CNKSR2: variants seen among roughly 807,000 people sequenced by gnomAD.
CNKSR2 encodes CNK homolog protein 2.
A neutral mutation model predicts 84.4 loss-of-function variants in CNKSR2; 14 were observed. That is an observed-to-expected ratio of 0.17 (90% CI 0.11 to 0.26). CNKSR2 has a LOEUF of 0.26. Among genes scored for constraint, CNKSR2 ranks in the 10% least tolerant of loss-of-function variants. The pLI is 1.00. For synonymous variants in CNKSR2, 275 were observed against 277.9 expected (o/e 0.99, Z 0.10); for missense variants, 485 against 771.2 (o/e 0.63, Z 4.40).
At chrX:21,650,357 TAAGTGGGAGTTG>T (rs763717537) in intron 21 of CNKSR2, among the ~76,000 whole-genome samples, 4 of 100,109 alleles carry the variant, frequency 4.0e-5, no homozygotes, top group Non-Finnish European at 7.9e-5. Flanking sequence ...TTCTCACTCA[TAAGTGGGAGTTG>T]AACAGTGAGA....
intron 1 of CNKSR2, among the ~76,000 whole-genome samples, chrX:21,391,003 C>T (rs905111750): frequency 8.9e-6 from 1 of 112,204 alleles, no homozygotes; most frequent in African/African-American, 3.2e-5. Context: ...CTTATAGCTC[C>T]GTAATTACCT....
intron 8 of CNKSR2, among the ~76,000 whole-genome samples, chrX:21,516,175 C>T (rs2091726508): frequency 9.0e-6 from 1 of 111,374 alleles, no homozygotes; most frequent in African/African-American, 3.3e-5. Flanking sequence ...CTAGACCTAG[C>T]AGCTGAGCAG....
chrX:21,416,685 G>T (rs755943873), intron 1 of CNKSR2, among the ~76,000 whole-genome samples: 1 of 111,037 alleles, frequency 9.0e-6, no homozygotes, highest in South Asian at 3.8e-4. Flanking sequence ...CTAGAAATTT[G>T]CTCATTTCTT....
At chrX:21,604,323 G>T (rs1034448074) in intron 18 of CNKSR2, among the ~76,000 whole-genome samples, 18 of 110,580 alleles carry the variant, frequency 1.6e-4, no homozygotes, top group South Asian at 3.9e-4. Context: ...CTGTGGAGTG[G>T]GGGGAGGGGG....
At chrX:21,424,109 T>G (rs1205071717) in intron 1 of CNKSR2, 1 of 111,591 alleles carries the variant, frequency 9.0e-6, no homozygotes, top group Non-Finnish European at 1.9e-5. Flanking sequence ...CACTGAGCTT[T>G]AATTTCTTCA....
chrX:21,617,757 G>A (rs145575966), intron 20 of CNKSR2, among the ~76,000 whole-genome samples: 237 of 110,855 alleles, frequency 2.1e-3, no homozygotes, highest in African/African-American at 6.9e-3. Context: ...AATAACTTAC[G>A]TAGCACCTTA....
At chrX:21,385,096 A>T (rs766181685) in intron 1 of CNKSR2, among the ~76,000 whole-genome samples, 23 of 111,331 alleles carry the variant, frequency 2.1e-4, no homozygotes, top group Non-Finnish European at 4.0e-4. Context: ...ACCTTTTAAA[A>T]TTTTTTTCTG....
In CNKSR2 at chrX:21,391,479, T is replaced by G. The variant is rs139246837; in HGVS notation, c.64+16518T>G. On this transcript the variant is annotated intron_variant, in intron 1 of 21. Coordinates refer to ENST00000379510, the MANE Select transcript of CNKSR2 (RefSeq NM_014927.5). ...AGGTTTACAGCTTGTACCCTCTGGA[T>G]CAGCAGCCTAAGGTGTATCTGGGGT... Among the ~76,000 whole-genome samples the G allele has an allele frequency of 9.6e-3, 1,078 of 112,227 alleles. 11 individuals are homozygous for G. Among genetic ancestry groups the G allele is most frequent in the African/African-American group, 0.031 (972 of 30,878 alleles).
intron 8 of CNKSR2, among the ~76,000 whole-genome samples, chrX:21,513,624 C>T (rs1428440493): frequency 3.6e-5 from 4 of 111,565 alleles, no homozygotes; most frequent in Non-Finnish European, 5.7e-5. Context: ...TTGCTTGAAC[C>T]CAGGAGTTAG....
chrX:21,562,058 G>C (rs965428551), intron 12 of CNKSR2, among the ~76,000 whole-genome samples: 1 of 107,925 alleles, frequency 9.3e-6, no homozygotes, highest in African/African-American at 3.4e-5. Context: ...TTTTTTTCCT[G>C]TTCTGTTTGC....
chrX:21,405,631 A>G (rs1183193182), intron 1 of CNKSR2, among the ~76,000 whole-genome samples: 1 of 111,133 alleles, frequency 9.0e-6, no homozygotes, highest in Non-Finnish European at 1.9e-5. Context: ...ATCATCTAAT[A>G]TCCATAATTC....
At chrX:21,418,305 A>T (rs1289140665) in intron 1 of CNKSR2, among the ~76,000 whole-genome samples, 1 of 111,877 alleles carries the variant, frequency 8.9e-6, no homozygotes, top group Non-Finnish European at 1.9e-5. Context: ...CTTTCTGCTT[A>T]GGATAAAAGG....
chrX:21,615,318 G>A (rs773311297), intron 20 of CNKSR2, among the ~76,000 whole-genome samples: 4 of 112,018 alleles, frequency 3.6e-5, no homozygotes, highest in Non-Finnish European at 7.5e-5. Context: ...TGAAAATGTA[G>A]CAAGTTTGAT....
intron 4 of CNKSR2, among the ~76,000 whole-genome samples, chrX:21,441,666 A>C (rs2090785980): frequency 8.9e-6 from 1 of 111,886 alleles, no homozygotes; most frequent in Non-Finnish European, 1.9e-5. Flanking sequence ...TAATTCAGCC[A>C]TTATATACAT....
In CNKSR2 at chrX:21,617,124, TGAGA is replaced by T. The variant is rs1387660203; in HGVS notation, c.2692+7512_2692+7515del. Among the ~76,000 whole-genome samples the T allele has an allele frequency of 5.4e-5, 6 of 111,441 alleles. No individual in the cohort carries two copies. In the South Asian group the frequency reaches 1.1e-3, roughly 21 times the overall value. On this transcript the variant is annotated intron_variant, in intron 20 of 21. Coordinates refer to ENST00000379510, the MANE Select transcript of CNKSR2 (RefSeq NM_014927.5). ...TTTATGTTATGTTATTTTTTTTTAC[TGAGA>T]GAGATTATTAGATTCAGCCACACTG...
At chrX:21,599,954 G>T (rs2092472304) in intron 17 of CNKSR2, among the ~76,000 whole-genome samples, 1 of 111,718 alleles carries the variant, frequency 9.0e-6, no homozygotes, top group African/African-American at 3.3e-5. Flanking sequence ...GTGTGTGTGT[G>T]TGTCTATATA....
At chrX:21,542,360 A>G (rs1205635250) in intron 11 of CNKSR2, among the ~76,000 whole-genome samples, 1 of 112,085 alleles carries the variant, frequency 8.9e-6, no homozygotes, top group East Asian at 2.8e-4. Context: ...AATGAATATG[A>G]TAATATCTGC....
intron 20 of CNKSR2, among the ~76,000 whole-genome samples, chrX:21,610,690 A>G (rs751360162): frequency 8.9e-6 from 1 of 111,873 alleles, no homozygotes; most frequent in African/African-American, 3.2e-5. Flanking sequence ...CCATTTTACA[A>G]ATATATGGGA....
At chrX:21,379,814 C>T (rs2089871379) in intron 1 of CNKSR2, among the ~76,000 whole-genome samples, 1 of 111,324 alleles carries the variant, frequency 9.0e-6, no homozygotes, top group Non-Finnish European at 1.9e-5. Flanking sequence ...TTTTTAAAGG[C>T]TGTATATGAG....
Sources: gnomAD v4.1 joint callset for allele counts (sites outside exome capture counted in the v4.1 genomes callset) on GRCh38, gnomAD v4.1.1 for gene constraint, MANE v1.5 for transcripts, NCBI Gene and HGNC (gene_info 2026-07-23, HGNC 2026-07-21) for gene names.